Variants in TNR observed in about 807,000 individuals in gnomAD.
TNR encodes tenascin-R.
Under a neutral mutation model 150.4 loss-of-function variants are expected in TNR, and 45 were observed. The ratio of observed to expected loss-of-function variants is 0.30; its 90% CI spans 0.24 to 0.38. TNR has a LOEUF of 0.38. Among genes scored for constraint, TNR ranks in the 10% least tolerant of loss-of-function variants. The pLI, the probability that TNR is intolerant of heterozygous loss-of-function variation, is 1.00. For synonymous variants in TNR, 687 were observed against 678.4 expected, an observed-to-expected ratio of 1.01 and a Z score of -0.20; for missense variants, 1,544 against 1,759.1, an observed-to-expected ratio of 0.88 and a Z score of 2.19.
At chr1:175,376,223 GGACATC>G (rs1333492156) in intron 9 of TNR, among the ~76,000 whole-genome samples, 1 of 152,094 alleles carries the variant, frequency 6.6e-6, no homozygotes, top group Non-Finnish European at 1.5e-5. Context: ...GACTAAAGGA[GGACATC>G]CTAAACCATC....
intron 1 of TNR, among the ~76,000 whole-genome samples, chr1:175,569,356 C>T (rs1184675828): frequency 6.6e-6 from 1 of 152,196 alleles, no homozygotes; most frequent in Non-Finnish European, 1.5e-5. Flanking sequence ...AATGTCCTCC[C>T]AGCATCCCAA....
At chr1:175,590,586 A>G (rs1296054508) in intron 1 of TNR, among the ~76,000 whole-genome samples, 1 of 152,232 alleles carries the variant, frequency 6.6e-6, no homozygotes, top group Non-Finnish European at 1.5e-5. Context: ...AAATATTTCT[A>G]TAATAGAACT....
intron 2 of TNR, among the ~76,000 whole-genome samples, chr1:175,440,207 G>T (rs947099690): frequency 1.3e-5 from 2 of 152,130 alleles, no homozygotes; most frequent in Non-Finnish European, 2.9e-5. Context: ...AAAAGATGAT[G>T]AGTTCATGTC....
At position 175,714,870 on chromosome 1, in the gene TNR, G is replaced by A. The variant is rs186319869; in HGVS notation, c.-165+28356C>T. Among the ~76,000 whole-genome samples the A allele has an allele frequency of 5.5e-4, 83 of 152,272 alleles. 2 individuals carry two copies. The East Asian group carries it at 0.011, about 20-fold the overall frequency. ...TGTGAGGCTGCCTGCTCACCTTCCCGCTATGGCTTTCCTGTCCCCTTTCCC... is the reference window on the plus strand; with the variant it reads ...TGTGAGGCTGCCTGCTCACCTTCCCACTATGGCTTTCCTGTCCCCTTTCCC... On this transcript the variant is annotated intron_variant, in intron 1 of 22. Transcript: ENST00000367674.
In TNR at chr1:175,409,028, C is replaced by T. The variant is rs866509093; in HGVS notation, c.-63-2251G>A. Reference sequence around the variant, plus strand: ...GAGTGACATGTTGGAATCAAATTGCCCTCCTAACTGTAAGCTCCTAAAGCC... The same window carrying T: ...GAGTGACATGTTGGAATCAAATTGCTCTCCTAACTGTAAGCTCCTAAAGCC... On this transcript the variant is annotated intron_variant, in intron 2 of 22. Coordinates refer to ENST00000367674, the MANE Select transcript of TNR (RefSeq NM_003285.3). 4.6e-5 allele frequency among the ~76,000 whole-genome samples: 7 copies of T among 152,246 alleles called. No individual in the cohort carries two copies. In the South Asian group the frequency reaches 8.3e-4, roughly 18 times the overall value.
At chr1:175,659,897 A>AT (rs34472359) in intron 1 of TNR, among the ~76,000 whole-genome samples, 45,001 of 111,682 alleles carry the variant, frequency 0.4, 9,870 homozygotes, top group East Asian at 0.64. Context: ...TTTGGGTGTC[A>AT]TTTTTTTTTT....
chr1:175,672,879 CT>C (rs1665744555), intron 1 of TNR, among the ~76,000 whole-genome samples: 5 of 152,190 alleles, frequency 3.3e-5, no homozygotes, highest in Admixed American at 3.3e-4. Context: ...CGTCACTACT[CT>C]TTTCCCCCAA....
At chr1:175,402,999 G>T in intron 4 of TNR, 141 bp downstream of exon 4, 1 of 737,432 alleles carries the variant, frequency 1.4e-6, no homozygotes, top group Non-Finnish European at 2.3e-6. Flanking sequence ...CTCTTGGAAA[G>T]CAAATGAGTA....
At chr1:175,678,467 A>T (rs1028998618) in intron 1 of TNR, among the ~76,000 whole-genome samples, 6 of 152,196 alleles carry the variant, frequency 3.9e-5, no homozygotes, top group South Asian at 2.1e-4. Flanking sequence ...CTGCAGGCTT[A>T]GCTGCCTTCT....
chr1:175,512,394 T>C (rs974526883), intron 2 of TNR, among the ~76,000 whole-genome samples: 2 of 152,228 alleles, frequency 1.3e-5, no homozygotes. Context: ...TCTCTGGCTA[T>C]TGGGGAAAAG....
chr1:175,536,411 G>A (rs1249532234), intron 1 of TNR, among the ~76,000 whole-genome samples: 1 of 152,224 alleles, frequency 6.6e-6, no homozygotes, highest in Non-Finnish European at 1.5e-5. Context: ...CTGACCTGCA[G>A]AATCCTCACA....
At chr1:175,346,611 A>G (rs1302239888) in intron 18 of TNR, among the ~76,000 whole-genome samples, 1 of 152,186 alleles carries the variant, frequency 6.6e-6, no homozygotes. Flanking sequence ...TGCAGTAGAG[A>G]TAATAAAACA....
chr1:175,454,344 AAACATAGGGTGGTAG>A (rs1656463908), intron 2 of TNR, among the ~76,000 whole-genome samples: 1 of 152,204 alleles, frequency 6.6e-6, no homozygotes, highest in East Asian at 1.9e-4. Flanking sequence ...ACTCTACGCT[AAACATAGGGTGGTAG>A]AACTAAGACA....
In TNR at chr1:175,330,132, A is replaced by G; in HGVS notation, c.3735T>C (p.Ser1245=). The change falls in exon 21 of 23, where the codon TCT becomes TCC. Residue 1245 remains serine (S), a synonymous_variant. Transcript: ENST00000367674. ...TGTACAGGTTTCTGCTGTCCTCGACAGAGAACCTGTCGTAGGAGGCGAAGG... is the reference window on the plus strand; with the variant it reads ...TGTACAGGTTTCTGCTGTCCTCGACGGAGAACCTGTCGTAGGAGGCGAAGG... The part of the protein sequence containing the change: ...EAAFASYDRF[S]VEDSRNLYKL... 1.2e-6 allele frequency: 2 copies of G among 1,613,346 alleles called. No individual in the cohort carries two copies. The highest frequency in any genetic ancestry group is 1.7e-4 in the Middle Eastern group (1 of 6,058).
chr1:175,569,521 A>G (rs1661778345), intron 1 of TNR, among the ~76,000 whole-genome samples: 1 of 152,228 alleles, frequency 6.6e-6, no homozygotes, highest in African/African-American at 2.4e-5. Context: ...GACAAATGAA[A>G]CAAAGAAAAA....
chr1:175,326,478 C>A (rs934419810), intron 21 of TNR, among the ~76,000 whole-genome samples: 1 of 152,178 alleles, frequency 6.6e-6, no homozygotes, highest in Admixed American at 6.5e-5. Context: ...GACGCCCTCA[C>A]TGGGGAGGCC....
intron 1 of TNR, among the ~76,000 whole-genome samples, chr1:175,568,492 T>C (rs1392599737): frequency 2.6e-5 from 4 of 152,226 alleles, no homozygotes. Flanking sequence ...AGATTTGAAA[T>C]GATCTGTCTC....
intron 2 of TNR, among the ~76,000 whole-genome samples, chr1:175,413,421 T>C (rs1052777541): frequency 2.0e-5 from 3 of 152,238 alleles, no homozygotes; most frequent in Non-Finnish European, 4.4e-5. Context: ...AAGTGCTGCA[T>C]TGGATATGTT....
At chr1:175,728,712 A>T (rs1667545567) in intron 1 of TNR, among the ~76,000 whole-genome samples, 1 of 152,232 alleles carries the variant, frequency 6.6e-6, no homozygotes, top group Non-Finnish European at 1.5e-5. Context: ...GGCTGCAATC[A>T]GATTTTAATA....
Sources: gnomAD v4.1 joint callset for allele counts (sites outside exome capture counted in the v4.1 genomes callset) on GRCh38, gnomAD v4.1.1 for gene constraint, MANE v1.5 for transcripts, NCBI Gene and HGNC (gene_info 2026-07-23, HGNC 2026-07-21) for gene names.